CCDC30: variants seen among roughly 807,000 people sequenced by gnomAD.
CCDC30 encodes coiled-coil domain-containing protein 30.
In CCDC30, 70 loss-of-function variants were observed where a neutral mutation model predicts 100.2. That is an observed-to-expected ratio of 0.70 (90% confidence interval 0.58 to 0.85). The LOEUF is 0.85. Ranked by LOEUF, CCDC30 falls within the 40% of genes least tolerant of loss-of-function variation. CCDC30 has a pLI of 0.00. For missense variants in CCDC30, 652 were observed against 771.2 expected (o/e 0.85, Z 1.83); for synonymous variants, 233 against 269.5 (o/e 0.86, Z 1.33).
At chr1:42,484,919 A>G (rs1187678314) in intron 3 of CCDC30, among the ~76,000 whole-genome samples, 1 of 152,188 alleles carries the variant, frequency 6.6e-6, no homozygotes, top group Non-Finnish European at 1.5e-5. Flanking sequence ...TAAGAGACTT[A>G]TTAACCAATT....
At chr1:42,497,741 G>T (rs1279638343) in intron 5 of CCDC30, among the ~76,000 whole-genome samples, 1 of 152,092 alleles carries the variant, frequency 6.6e-6, no homozygotes, top group African/African-American at 2.4e-5. Context: ...TTGCAAGAGT[G>T]ACTAAAGACC....
At chr1:42,497,124 G>A in exon 5 of CCDC30, 1 of 1,234,144 alleles carries the variant, frequency 8.1e-7, no homozygotes, top group Non-Finnish European at 1.0e-6. Flanking sequence ...GAAAGCAAAG[G>A]AACAAAATCA....
intron 6 of CCDC30, among the ~76,000 whole-genome samples, chr1:42,532,864 C>A (rs900697457): frequency 6.6e-6 from 1 of 152,218 alleles, no homozygotes; most frequent in Admixed American, 6.5e-5. Flanking sequence ...CTCCCGGGTT[C>A]ACGCCATTCT....
At chr1:42,632,328 G>C (rs1486522848) in intron 11 of CCDC30, among the ~76,000 whole-genome samples, 2 of 152,106 alleles carry the variant, frequency 1.3e-5, no homozygotes, top group East Asian at 1.9e-4. Flanking sequence ...TGAGGTGGGC[G>C]TGGTGGTACA....
intron 7 of CCDC30, among the ~76,000 whole-genome samples, chr1:42,568,574 C>G (rs1383200943): frequency 6.6e-6 from 1 of 152,086 alleles, no homozygotes; most frequent in Admixed American, 6.6e-5. Context: ...ATATTACACC[C>G]CTCCTCAATT....
chr1:42,547,591 TAA>T (rs1244083234), intron 6 of CCDC30, among the ~76,000 whole-genome samples: 3 of 152,180 alleles, frequency 2.0e-5, no homozygotes, highest in Non-Finnish European at 4.4e-5. Context: ...CCTTCCCTCT[TAA>T]GAGCTCCTTG....
intron 11 of CCDC30, among the ~76,000 whole-genome samples, chr1:42,631,198 A>G (rs776839331): frequency 6.6e-6 from 1 of 152,174 alleles, no homozygotes; most frequent in Non-Finnish European, 1.5e-5. Context: ...CAGTAATGCT[A>G]TGGTTCTTGC....
the CCDC30 span, chr1:42,457,155 C>T: frequency 1.1e-5 from 18 of 1,594,004 alleles, no homozygotes; most frequent in Non-Finnish European, 1.5e-5. Flanking sequence ...CCTGCTTACC[C>T]ACGGATCTCA....
intron 15 of CCDC30, among the ~76,000 whole-genome samples, chr1:42,652,241 C>T (rs1167774543): frequency 3.9e-5 from 6 of 152,040 alleles, no homozygotes; most frequent in Non-Finnish European, 5.9e-5. Flanking sequence ...CACATCTTCT[C>T]ACTTAAATGT....
At chr1:42,529,598 G>A (rs1445517184) in intron 6 of CCDC30, 2 of 152,194 alleles carry the variant, frequency 1.3e-5, no homozygotes, top group Non-Finnish European at 2.9e-5. Context: ...AATCTTTCAT[G>A]AAGGAAAAGC....
chr1:42,501,389 A>G lies in CCDC30; in HGVS notation c.456+2473A>G, dbSNP rs112919098. Among the ~76,000 whole-genome samples, 1,242 of 152,340 alleles carry G rather than the reference A, an allele frequency of 8.2e-3. 13 individuals carry two copies. Among genetic ancestry groups the G allele is most frequent in the African/African-American group, 0.027 (1,124 of 41,570 alleles). On this transcript the variant is annotated intron_variant, in intron 6 of 16. Coordinates refer to ENST00000668663, the Ensembl canonical transcript of CCDC30. ...TAACCCATGTGTTTATTCTTAGAAC[A>G]ATTCCATTCTGTAACTTTATTGTAA...
In CCDC30 at chr1:42,626,590, C is replaced by T. The variant is rs186064548; in HGVS notation, c.1278-10647C>T. Among the ~76,000 whole-genome samples, 71 of 152,132 alleles carry T rather than the reference C, an allele frequency of 4.7e-4. No individual in the cohort carries two copies. In the South Asian group the frequency reaches 6.4e-3, roughly 14 times the overall value. The stretch of plus-strand genomic sequence containing the variant: ...CTATCTGATATGAGTTCACTGTGTC[C>T]GCAGCCAAATCTCAACTTGAACTTT... On this transcript the variant is annotated intron_variant, in intron 11 of 16. Coordinates refer to ENST00000668663, the Ensembl canonical transcript of CCDC30.
intron 10 of CCDC30, chr1:42,591,746 C>T (rs1646190662): frequency 6.6e-6 from 1 of 152,300 alleles, no homozygotes; most frequent in Non-Finnish European, 1.5e-5. Context: ...ATGGTAGATC[C>T]ACAGGCAGCT....
At chr1:42,469,288 A>G (rs996948140) in intron 1 of CCDC30, among the ~76,000 whole-genome samples, 1 of 152,232 alleles carries the variant, frequency 6.6e-6, no homozygotes, top group Non-Finnish European at 1.5e-5. Flanking sequence ...AGGCTGAGTC[A>G]GGAGGATCAC....
rs112119851 is a variant in CCDC30 at position 42,539,167 on chromosome 1, A to G, written c.457-27129A>G. 3.2e-6 allele frequency: 5 copies of G among 1,561,580 alleles called. No individual in the cohort carries two copies. Among genetic ancestry groups the G allele is most frequent in the Non-Finnish European group, 3.5e-6 (4 of 1,152,352 alleles). On this transcript the variant is annotated intron_variant, in intron 6 of 16. Coordinates refer to ENST00000668663, the Ensembl canonical transcript of CCDC30. ...ATTCTACTAAATGTCTTCATTTCTT[A>G]ATCAGGAATTGCAAAAATCAAAGTC...
intron 6 of CCDC30, 90 bp from the exon 10 acceptor site, chr1:42,556,066 G>A: frequency 1.6e-6 from 2 of 1,270,120 alleles, no homozygotes; most frequent in Non-Finnish European, 1.1e-6. Flanking sequence ...AATCTTGTTT[G>A]CAACACTGTC....
chr1:42,469,475 C>T (rs970396466), intron 1 of CCDC30, among the ~76,000 whole-genome samples: 1 of 152,152 alleles, frequency 6.6e-6, no homozygotes, highest in Non-Finnish European at 1.5e-5. Context: ...TTGTCCAAAA[C>T]AGGACAGTAG....
At chr1:42,539,888 A>G (rs1190597651) in intron 6 of CCDC30, among the ~76,000 whole-genome samples, 2 of 151,492 alleles carry the variant, frequency 1.3e-5, no homozygotes, top group Non-Finnish European at 2.9e-5. Context: ...ACTGCATTTC[A>G]GCCTGGGCAG....
At chr1:42,544,174 T>G (rs771489306) in intron 6 of CCDC30, among the ~76,000 whole-genome samples, 1 of 152,218 alleles carries the variant, frequency 6.6e-6, no homozygotes, top group Non-Finnish European at 1.5e-5. Context: ...ATTACAGGCA[T>G]GAGCCACTGC....
Sources: allele counts gnomAD v4.1 joint callset (sites outside exome capture counted in the v4.1 genomes callset), GRCh38; gene constraint gnomAD v4.1.1; transcripts MANE v1.5; gene names NCBI Gene and HGNC (gene_info 2026-07-23, HGNC 2026-07-21).